The following CD2AP variants were observed in gnomAD, a reference collection of about 807,000 sequenced individuals.
CD2AP encodes CD2-associated protein.
In CD2AP, 46 loss-of-function variants were observed where a neutral mutation model predicts 85.1. That is an observed-to-expected ratio of 0.54 (90% CI 0.43 to 0.69). The LOEUF (loss-of-function observed/expected upper bound fraction) is 0.69, where lower values mean the gene tolerates loss of function less well. CD2AP is among the 30% of genes least tolerant of loss of function. CD2AP has a pLI of 0.00. For synonymous variants in CD2AP, 255 were observed against 252.9 expected, an observed-to-expected ratio of 1.01 and a Z score of -0.08; for missense variants, 769 against 729.5, an observed-to-expected ratio of 1.05 and a Z score of -0.62.
chr6:47,607,887 T>G lies in CD2AP; in HGVS notation c.1531-40T>G, dbSNP rs183389426. The G allele has an allele frequency of 2.2e-6, 3 of 1,342,098 alleles. No individual in the cohort carries two copies. The East Asian group carries it at 6.9e-5, about 31-fold the overall frequency. 83.1% of individuals were successfully genotyped at this position (1,342,098 alleles called of 1,614,324 possible). A position where few individuals can be genotyped will look rare whatever the true frequency, so the allele number is the denominator to read the frequency against. ...AAAGACTTACTACCTTTTCTTTTCT[T>G]TGGTCTATTATGTCTCTTGACTTCT... On this transcript the variant is annotated intron_variant, in intron 14 of 17. Coordinates refer to ENST00000359314, the MANE Select transcript of CD2AP (RefSeq NM_012120.3).
At chr6:47,529,936 G>A (rs540183086) in intron 2 of CD2AP, among the ~76,000 whole-genome samples, 2 of 152,210 alleles carry the variant, frequency 1.3e-5, no homozygotes, top group African/African-American at 2.4e-5. Context: ...ATTTAGTGTT[G>A]TCTTCATTCC....
At chr6:47,615,870 C>T (rs545255519) in intron 17 of CD2AP, among the ~76,000 whole-genome samples, 6 of 150,826 alleles carry the variant, frequency 4.0e-5, no homozygotes, top group Non-Finnish European at 8.8e-5. Context: ...AGCTCCACCT[C>T]CTGAGTTCAC....
chr6:47,499,332 A>T (rs1355452052), intron 1 of CD2AP, among the ~76,000 whole-genome samples: 1 of 151,498 alleles, frequency 6.6e-6, no homozygotes, highest in African/African-American at 2.4e-5. Flanking sequence ...TGTGTTGAAT[A>T]TATGTGTATC....
intron 1 of CD2AP, among the ~76,000 whole-genome samples, chr6:47,489,852 G>T (rs190500814): frequency 6.6e-6 from 1 of 151,918 alleles, no homozygotes; most frequent in East Asian, 1.9e-4. Flanking sequence ...AACAGAGCAA[G>T]TAATATGACC....
intron 11 of CD2AP, among the ~76,000 whole-genome samples, chr6:47,583,197 T>C (rs1768528942): frequency 6.6e-6 from 1 of 152,182 alleles, no homozygotes; most frequent in Admixed American, 6.5e-5. Context: ...GCACAATTTT[T>C]CCCACTGTTA....
chr6:47,549,369 A>G (rs1767452277), intron 4 of CD2AP, among the ~76,000 whole-genome samples: 1 of 151,642 alleles, frequency 6.6e-6, no homozygotes, highest in Non-Finnish European at 1.5e-5. Context: ...CGGGTACACA[A>G]TTAATGTACA....
chr6:47,551,590 A>G (rs1471567148), intron 4 of CD2AP, among the ~76,000 whole-genome samples: 1 of 152,210 alleles, frequency 6.6e-6, no homozygotes, highest in Non-Finnish European at 1.5e-5. Flanking sequence ...ATCAAGGAAG[A>G]TAAGTGGTGG....
Position 47,624,267 on chromosome 6 carries a change from G to A in CD2AP, c.*40G>A, listed in dbSNP as rs563716910. The A allele has an allele frequency of 5.9e-6, 9 of 1,513,472 alleles. No individual in the cohort carries two copies. In the South Asian group the frequency reaches 1.0e-4, roughly 17 times the overall value. The allele number at this position is 1,513,472 out of a possible 1,614,324, so 93.8% of individuals were successfully genotyped here. On this transcript the variant is annotated 3_prime_UTR_variant, in exon 18 of 18. Coordinates refer to ENST00000359314, the MANE Select transcript of CD2AP (RefSeq NM_012120.3). ...GTGTTCATAATGTTCCAGGGATTCA[G>A]AAGCAACGCTATGAACTTCAGCTGA...
intron 16 of CD2AP, among the ~76,000 whole-genome samples, chr6:47,610,001 A>C (rs1042000559): frequency 6.6e-6 from 1 of 152,178 alleles, no homozygotes; most frequent in South Asian, 2.1e-4. Context: ...TTATAAAATG[A>C]ATGTGTTGGG....
intron 1 of CD2AP, among the ~76,000 whole-genome samples, chr6:47,496,594 A>G (rs769541044): frequency 2.6e-4 from 40 of 152,326 alleles, no homozygotes; most frequent in Middle Eastern, 3.4e-3. Flanking sequence ...AACCACTTTA[A>G]TATTTACTGC....
At position 47,626,207 on chromosome 6, in the gene CD2AP, G is replaced by A. The variant is rs1450381969; in HGVS notation, c.*1980G>A. Reference sequence around the variant, plus strand: ...TCAAGATGCTTATGAGCATGGAAATGTATTTAAAGTTTTTGCTTGTGTCCT... The same window carrying A: ...TCAAGATGCTTATGAGCATGGAAATATATTTAAAGTTTTTGCTTGTGTCCT... On this transcript the variant is annotated 3_prime_UTR_variant, in exon 18 of 18. Transcript: ENST00000359314. 1 of 151,850 alleles carries A rather than the reference G, an allele frequency of 6.6e-6. No individual in the cohort carries two copies. Among genetic ancestry groups the A allele is most frequent in the Non-Finnish European group, 1.5e-5 (1 of 67,792 alleles). The allele number at this position is 151,850 out of a possible 1,614,324, so 9.4% of individuals were successfully genotyped here. A position where few individuals can be genotyped will look rare whatever the true frequency, so the allele number is the denominator to read the frequency against.
chr6:47,585,212 A>C (rs1768592155), intron 11 of CD2AP, among the ~76,000 whole-genome samples: 2 of 150,878 alleles, frequency 1.3e-5, no homozygotes, highest in African/African-American at 4.9e-5. Flanking sequence ...CTGAGGCAGG[A>C]GAATGGCGTG....
At chr6:47,524,909 G>A (rs1003716813) in intron 2 of CD2AP, among the ~76,000 whole-genome samples, 2 of 151,990 alleles carry the variant, frequency 1.3e-5, no homozygotes, top group Non-Finnish European at 2.9e-5. Flanking sequence ...ACACTTAGAC[G>A]ATACGTACTG....
intron 1 of CD2AP, among the ~76,000 whole-genome samples, chr6:47,484,741 T>TA (rs1014876781): frequency 5.3e-5 from 8 of 152,224 alleles, no homozygotes; most frequent in Admixed American, 3.9e-4. Flanking sequence ...CATGGGAGCC[T>TA]GGATTCCAGT....
intron 1 of CD2AP, among the ~76,000 whole-genome samples, chr6:47,481,398 T>C (rs1056146983): frequency 2.0e-5 from 3 of 152,290 alleles, no homozygotes; most frequent in Admixed American, 6.5e-5. Flanking sequence ...CAAGCTGGAG[T>C]GCTGTGGTGC....
At chr6:47,530,636 G>A (rs1326373486) in intron 2 of CD2AP, among the ~76,000 whole-genome samples, 1 of 152,012 alleles carries the variant, frequency 6.6e-6, no homozygotes, top group African/African-American at 2.4e-5. Flanking sequence ...TAACTGCCTG[G>A]TTATTTTCTG....
chr6:47,586,493 A>G (rs1768634586), intron 11 of CD2AP, among the ~76,000 whole-genome samples: 1 of 152,164 alleles, frequency 6.6e-6, no homozygotes, highest in Non-Finnish European at 1.5e-5. Context: ...TAAAGAAATA[A>G]TGGCTGAAAA....
At chr6:47,542,169 C>G (rs916575300) in intron 3 of CD2AP, among the ~76,000 whole-genome samples, 24 of 152,206 alleles carry the variant, frequency 1.6e-4, no homozygotes, top group African/African-American at 5.5e-4. Flanking sequence ...ATATTTTACT[C>G]TCATTATGTA....
intron 4 of CD2AP, chr6:47,545,111 A>G (rs1562025041): frequency 5.6e-6 from 1 of 180,082 alleles, no homozygotes; most frequent in African/African-American, 2.4e-5. Flanking sequence ...ATATTTTGAT[A>G]TCTTAGAATG....
Sources: gnomAD v4.1 joint callset for allele counts (sites outside exome capture counted in the v4.1 genomes callset) on GRCh38, gnomAD v4.1.1 for gene constraint, MANE v1.5 for transcripts, NCBI Gene and HGNC (gene_info 2026-07-23, HGNC 2026-07-21) for gene names.